The following TBC1D15 variants were observed in gnomAD, a reference collection of about 807,000 sequenced individuals.
TBC1D15 encodes the protein GAP for RAB7.
A neutral mutation model predicts 95.4 loss-of-function variants in TBC1D15; 39 were observed. The ratio of observed to expected loss-of-function variants is 0.41; its 90% CI spans 0.32 to 0.53. The LOEUF (loss-of-function observed/expected upper bound fraction) is 0.53, where lower values mean the gene tolerates loss of function less well. TBC1D15 is among the 20% of genes least tolerant of loss of function. The pLI is 0.29. For missense variants in TBC1D15, 733 were observed against 794.3 expected, an observed-to-expected ratio of 0.92 and a Z score of 0.93; for synonymous variants, 258 against 261.3, an observed-to-expected ratio of 0.99 and a Z score of 0.12.
chr12:71,907,389 C>T, intron 11 of TBC1D15: 1 of 249,444 alleles, frequency 4.0e-6, no homozygotes, highest in Non-Finnish European at 7.7e-6. Flanking sequence ...TATAGGACAC[C>T]ACTCTAACTA....
chr12:71,851,046 G>C (rs1409890023), intron 1 of TBC1D15, among the ~76,000 whole-genome samples: 2 of 145,058 alleles, frequency 1.4e-5, no homozygotes, highest in African/African-American at 2.6e-5. Context: ...TATAGATAAA[G>C]AGGTTTAATT....
At chr12:71,897,061 C>G (rs1481345849) in intron 9 of TBC1D15, among the ~76,000 whole-genome samples, 1 of 152,038 alleles carries the variant, frequency 6.6e-6, no homozygotes, top group Admixed American at 6.6e-5. Context: ...TGAAAGATAA[C>G]TACGTAGACA....
At chr12:71,872,618 C>G (rs191539407) in intron 2 of TBC1D15, among the ~76,000 whole-genome samples, 11 of 152,194 alleles carry the variant, frequency 7.2e-5, no homozygotes, top group African/African-American at 2.6e-4. Context: ...ATGTGCATTG[C>G]TTTTACACCA....
chr12:71,853,176 A>T (rs1234755814), intron 1 of TBC1D15, among the ~76,000 whole-genome samples: 1 of 152,186 alleles, frequency 6.6e-6, no homozygotes, highest in Non-Finnish European at 1.5e-5. Flanking sequence ...GAAGGCAAAG[A>T]GCGAGCCAAC....
chr12:71,841,786 G>T (rs1400388705), intron 1 of TBC1D15, among the ~76,000 whole-genome samples: 1 of 151,928 alleles, frequency 6.6e-6, no homozygotes, highest in Admixed American at 6.6e-5. Flanking sequence ...TTTCTAATGC[G>T]CAAACCTGAT....
intron 12 of TBC1D15, among the ~76,000 whole-genome samples, chr12:71,916,290 A>G (rs1023181366): frequency 1.3e-5 from 2 of 151,964 alleles, no homozygotes; most frequent in Non-Finnish European, 2.9e-5. Context: ...GTCATTATGG[A>G]CATGTTTCTT....
At chr12:71,893,376 C>T in intron 6 of TBC1D15, 52 bp downstream of exon 6, 1 of 1,290,778 alleles carries the variant, frequency 7.7e-7, no homozygotes, top group Non-Finnish European at 1.1e-6. Context: ...ATTTTATATA[C>T]CCTGTACTTC....
chr12:71,844,463 T>C (rs1885830273), intron 1 of TBC1D15, among the ~76,000 whole-genome samples: 1 of 152,228 alleles, frequency 6.6e-6, no homozygotes, highest in African/African-American at 2.4e-5. Flanking sequence ...TGCTTCCCTA[T>C]ACCCTCTACT....
At chr12:71,898,298 CA>C (rs34316834) in intron 10 of TBC1D15, among the ~76,000 whole-genome samples, 1 of 151,518 alleles carries the variant, frequency 6.6e-6, no homozygotes. Flanking sequence ...TGTAGATGAG[CA>C]AAAAGAGGTA....
At chr12:71,858,731 TA>T (rs1336879478) in intron 1 of TBC1D15, among the ~76,000 whole-genome samples, 1 of 151,784 alleles carries the variant, frequency 6.6e-6, no homozygotes, top group East Asian at 1.9e-4. Context: ...ATTATTTTTA[TA>T]TTTTTTTAGA....
intron 1 of TBC1D15, among the ~76,000 whole-genome samples, chr12:71,856,851 A>G (rs1242975871): frequency 3.3e-5 from 5 of 152,192 alleles, no homozygotes; most frequent in African/African-American, 1.2e-4. Flanking sequence ...CTTTGGGCAA[A>G]TAAAACTTGT....
intron 1 of TBC1D15, among the ~76,000 whole-genome samples, chr12:71,842,164 A>G (rs1021199316): frequency 6.6e-6 from 1 of 152,214 alleles, no homozygotes. Context: ...ACTTTTCTTA[A>G]AACTCTACTT....
intron 1 of TBC1D15, among the ~76,000 whole-genome samples, chr12:71,868,414 T>G (rs914165159): frequency 6.6e-6 from 1 of 151,884 alleles, no homozygotes; most frequent in African/African-American, 2.4e-5. Context: ...CCCGGATAAT[T>G]TTTTCTATTT....
intron 1 of TBC1D15, among the ~76,000 whole-genome samples, chr12:71,840,136 C>T (rs1201118071): frequency 1.3e-5 from 2 of 152,168 alleles, no homozygotes; most frequent in Non-Finnish European, 2.9e-5. Context: ...TGTTTCTTGA[C>T]TCTAGTTCTT....
At chr12:71,898,000 A>C in intron 10 of TBC1D15, 59 bp downstream of exon 10, 1 of 1,268,136 alleles carries the variant, frequency 7.9e-7, no homozygotes, top group Non-Finnish European at 1.1e-6. Flanking sequence ...AATCTTGATA[A>C]GAGTAAAGAA....
intron 7 of TBC1D15, 32 bp downstream of exon 7, chr12:71,894,915 A>T (rs1272185629): frequency 1.3e-6 from 2 of 1,573,442 alleles, no homozygotes; most frequent in South Asian, 2.3e-5. Flanking sequence ...TATAGCTCTT[A>T]TATTTTAACA....
chr12:71,902,091 T>G (rs1418319169), intron 10 of TBC1D15, among the ~76,000 whole-genome samples: 3 of 152,056 alleles, frequency 2.0e-5, no homozygotes, highest in South Asian at 2.1e-4. Flanking sequence ...GAATCAGAGA[T>G]AACACAAACA....
intron 1 of TBC1D15, among the ~76,000 whole-genome samples, chr12:71,853,310 A>G (rs1043461873): frequency 5.3e-5 from 8 of 152,156 alleles, no homozygotes; most frequent in Admixed American, 5.2e-4. Flanking sequence ...AAACTGAGAA[A>G]CTGCCCCCAT....
chr12:71,896,538 T>C (rs1458625991), intron 8 of TBC1D15, 139 bp from the exon 9 acceptor site: 7 of 698,192 alleles, frequency 1.0e-5, no homozygotes, highest in Non-Finnish European at 1.4e-5. Flanking sequence ...AAAAACAAGA[T>C]GATATTCACT....
Sources: allele counts gnomAD v4.1 joint callset (sites outside exome capture counted in the v4.1 genomes callset), GRCh38; gene constraint gnomAD v4.1.1; transcripts MANE v1.5; gene names NCBI Gene and HGNC (gene_info 2026-07-23, HGNC 2026-07-21).